Variants in TNRC6C observed in about 807,000 individuals in gnomAD.
The protein encoded by TNRC6C is trinucleotide repeat containing adaptor 6C.
In TNRC6C, 20 loss-of-function variants were observed where a neutral mutation model predicts 153.7. That is an observed-to-expected ratio of 0.13 (90% confidence interval 0.09 to 0.19). The LOEUF (loss-of-function observed/expected upper bound fraction) is 0.19. Among genes scored for constraint, TNRC6C ranks in the 10% least tolerant of loss-of-function variants. The pLI is 1.00. For synonymous variants in TNRC6C, 811 were observed against 841.4 expected (o/e 0.96, Z 0.63); for missense variants, 1,987 against 2,172.0 (o/e 0.91, Z 1.69).
chr17:78,045,507 T>C (rs2072391367), intron 2 of TNRC6C, among the ~76,000 whole-genome samples: 1 of 152,130 alleles, frequency 6.6e-6, no homozygotes, highest in Non-Finnish European at 1.5e-5. Flanking sequence ...GTAGTGGAAG[T>C]GGTTCCCTCA....
chr17:78,068,038 A>T, intron 5 of TNRC6C, 115 bp downstream of exon 7: 1 of 1,316,430 alleles, frequency 7.6e-7, no homozygotes, highest in South Asian at 1.6e-5. Context: ...AAGTAGTCTT[A>T]GGACCCTTGG....
intron 1 of TNRC6C, among the ~76,000 whole-genome samples, chr17:77,990,021 G>A (rs1364085397): frequency 2.0e-5 from 3 of 152,102 alleles, no homozygotes; most frequent in East Asian, 1.9e-4. Context: ...TCTCAAACGC[G>A]AGGTGTCCTT....
At chr17:78,015,049 CATAGT>C (rs1409791558) in intron 1 of TNRC6C, among the ~76,000 whole-genome samples, 2 of 152,172 alleles carry the variant, frequency 1.3e-5, no homozygotes, top group Non-Finnish European at 2.9e-5. Context: ...AGTTCTCTTA[CATAGT>C]CACATTTGCA....
chr17:78,101,660 G>A (rs1468576817), intron 17 of TNRC6C, among the ~76,000 whole-genome samples: 2 of 152,094 alleles, frequency 1.3e-5, no homozygotes, highest in Non-Finnish European at 2.9e-5. Context: ...CATTAGCATT[G>A]TTTCCGTAGA....
At chr17:77,985,662 C>T (rs1302930342) in intron 1 of TNRC6C, among the ~76,000 whole-genome samples, 2 of 151,814 alleles carry the variant, frequency 1.3e-5, no homozygotes, top group East Asian at 1.9e-4. Context: ...CTTCTGACGT[C>T]CTCTGTCTCT....
chr17:77,963,180 T>C (rs2070874162), intron 1 of TNRC6C, among the ~76,000 whole-genome samples: 1 of 152,224 alleles, frequency 6.6e-6, no homozygotes, highest in African/African-American at 2.4e-5. Context: ...TTTAGGAATA[T>C]AATTACTTAA....
At position 78,075,020 on chromosome 17, in the gene TNRC6C, T is replaced by G; in HGVS notation, c.2918-116T>G. The G allele has an allele frequency of 7.6e-7, 1 of 1,322,150 alleles. No individual in the cohort carries two copies. Among genetic ancestry groups the G allele is most frequent in the Non-Finnish European group, 1.0e-6 (1 of 971,058 alleles). 81.9% of individuals were successfully genotyped at this position (1,322,150 alleles called of 1,614,324 possible). ...GGGCTCTCTCTGCCCCTGGCTTCCC[T>G]GTGTTTGAAGGGGTGGAGGGTCTCC... On this transcript the variant is annotated intron_variant, in intron 7 of 19. Transcript: ENST00000301624. This position sits in a 1 kb window ranked among gnomAD's most constrained non-coding sequence, Gnocchi z 4.2.
chr17:78,106,598 A>G (rs923560342), exon 20 of TNRC6C: 3 of 151,908 alleles, frequency 2.0e-5, no homozygotes, highest in African/African-American at 7.2e-5. Flanking sequence ...AAGAAGAAAA[A>G]TACCTAATCT....
At chr17:78,030,133 A>G (rs1397487023) in intron 1 of TNRC6C, among the ~76,000 whole-genome samples, 1 of 147,104 alleles carries the variant, frequency 6.8e-6, no homozygotes, top group Non-Finnish European at 1.5e-5. Flanking sequence ...ACTACTGTAC[A>G]TAATGTATGT....
intron 1 of TNRC6C, among the ~76,000 whole-genome samples, chr17:77,975,995 T>C (rs1193473292): frequency 2.0e-5 from 3 of 152,242 alleles, no homozygotes; most frequent in Non-Finnish European, 2.9e-5. Context: ...ATGCCACTTA[T>C]TAGCTAGGTG....
chr17:78,009,436 T>C (rs766601206), intron 1 of TNRC6C, among the ~76,000 whole-genome samples: 7 of 152,160 alleles, frequency 4.6e-5, no homozygotes, highest in Non-Finnish European at 8.8e-5. Context: ...TTTAGCCAGA[T>C]TTGTTTAACT....
At chr17:77,978,060 T>C (rs2071026550) in intron 1 of TNRC6C, among the ~76,000 whole-genome samples, 1 of 151,954 alleles carries the variant, frequency 6.6e-6, no homozygotes, top group Non-Finnish European at 1.5e-5. Flanking sequence ...CACGCCCAGC[T>C]AATTTTTTTT....
rs2072223528 is a variant in TNRC6C, at chr17:78,038,425, GCA to G, written c.-219+6585_-219+6586del. On this transcript the variant is annotated intron_variant, in intron 2 of 19. Transcript: ENST00000301624. ...GCGGTGGCTCACGCATGTAATCCCA[GCA>G]CTTTGGGAGGCCGAGGCAGGTGGAT... Among the ~76,000 whole-genome samples the G allele has an allele frequency of 3.3e-5, 5 of 152,182 alleles. No individual in the cohort carries two copies. In the South Asian group the frequency reaches 1.0e-3, roughly 32 times the overall value.
At chr17:78,080,660 C>G (rs149222597) in intron 10 of TNRC6C, among the ~76,000 whole-genome samples, 1 of 152,236 alleles carries the variant, frequency 6.6e-6, no homozygotes, top group East Asian at 1.9e-4. Flanking sequence ...GTATTGATAA[C>G]ATCTTTGCTG....
chr17:78,025,367 G>GGCTTCTTTCACTTAACAGTAT (rs2071921252), intron 1 of TNRC6C, among the ~76,000 whole-genome samples: 1 of 152,012 alleles, frequency 6.6e-6, no homozygotes, highest in African/African-American at 2.4e-5. Context: ...TTTCCTGATT[G>GGCTTCTTTCACTTAACAGTAT]GCTTCTTTCA....
chr17:78,018,311 G>C (rs868025773), intron 1 of TNRC6C, among the ~76,000 whole-genome samples: 1 of 152,222 alleles, frequency 6.6e-6, no homozygotes, highest in South Asian at 2.1e-4. Context: ...ATTTTTTTGA[G>C]TGGAGATGGG....
At chr17:78,066,307 C>G (rs1490006320) in intron 4 of TNRC6C, 1 of 150,612 alleles carries the variant, frequency 6.6e-6, no homozygotes, top group East Asian at 1.9e-4. Flanking sequence ...TGTCCTAGAT[C>G]TTAAAATGCA....
intron 3 of TNRC6C, among the ~76,000 whole-genome samples, chr17:78,053,619 ACT>A (rs1301718841): frequency 6.6e-6 from 1 of 151,106 alleles, no homozygotes; most frequent in Admixed American, 6.6e-5. Flanking sequence ...ACAGAGCGAA[ACT>A]CTGTCTCAAA....
At chr17:78,076,311 C>T (rs551732533) in intron 8 of TNRC6C, among the ~76,000 whole-genome samples, 4 of 152,036 alleles carry the variant, frequency 2.6e-5, no homozygotes, top group Admixed American at 6.6e-5. Flanking sequence ...TCCTCCAGCA[C>T]GTGATCTGCC....
Sources: gnomAD v4.1 joint callset for allele counts (sites outside exome capture counted in the v4.1 genomes callset) on GRCh38, gnomAD v4.1.1 for gene constraint, Gnocchi (gnomAD v3.1) non-coding constraint, MANE v1.5 for transcripts, NCBI Gene and HGNC (gene_info 2026-07-23, HGNC 2026-07-21) for gene names.